IMPG2: variants seen among roughly 807,000 people sequenced by gnomAD.
IMPG2 encodes the protein interphotoreceptor matrix proteoglycan 2, also known as IPM 200.
Under a neutral mutation model 129.2 loss-of-function variants are expected in IMPG2, and 91 were observed. That is an observed-to-expected ratio of 0.70 (90% CI 0.59 to 0.84). The LOEUF is 0.84. Ranked by LOEUF, IMPG2 falls within the 40% of genes least tolerant of loss-of-function variation. The probability of loss-of-function intolerance (pLI) is 0.00; values close to 1 mark genes in which losing one functional copy is unlikely to be tolerated. For missense variants in IMPG2, 1,430 were observed against 1,461.7 expected, an observed-to-expected ratio of 0.98 and a Z score of 0.35; for synonymous variants, 510 against 517.7, an observed-to-expected ratio of 0.99 and a Z score of 0.20.
chr3:101,232,684 T>C (rs1559639623), intron 15 of IMPG2, 97 bp downstream of exon 15: 2 of 993,902 alleles, frequency 2.0e-6, no homozygotes, highest in African/African-American at 1.6e-5. Flanking sequence ...CTATAATGCA[T>C]ACTATAATAA....
intron 4 of IMPG2, among the ~76,000 whole-genome samples, chr3:101,277,947 T>C (rs1306659464): frequency 6.6e-6 from 1 of 152,208 alleles, no homozygotes; most frequent in Non-Finnish European, 1.5e-5. Context: ...TTAAAAACTC[T>C]CTTCAAGTTG....
rs1230670081 is a variant in IMPG2, at chr3:101,297,301, G to A, written c.502-5791C>T. Among the ~76,000 whole-genome samples the A allele has an allele frequency of 3.9e-5, 6 of 152,026 alleles. No homozygotes were observed. In the South Asian group the frequency reaches 6.2e-4, roughly 16 times the overall value. ...TCTTCTCTCTTTTCTTCTTTATTAG[G>A]ATAGCTAGCAGTCAATCTATTTTGT... On this transcript the variant is annotated intron_variant, in intron 3 of 18. Coordinates refer to ENST00000193391, the MANE Select transcript of IMPG2 (RefSeq NM_016247.4).
chr3:101,228,165 G>T (rs951763505), intron 18 of IMPG2, among the ~76,000 whole-genome samples: 11 of 151,950 alleles, frequency 7.2e-5, no homozygotes, highest in Admixed American at 7.2e-4. Flanking sequence ...TGGATTGTGG[G>T]AACAAAGAAA....
intron 12 of IMPG2, 63 bp downstream of exon 12, chr3:101,245,739 T>A: frequency 6.9e-7 from 1 of 1,456,290 alleles, no homozygotes; most frequent in Non-Finnish European, 9.6e-7. Context: ...AGTCTCTTCC[T>A]CTCTTTAAAA....
At chr3:101,235,034 T>C (rs145211933) in intron 14 of IMPG2, among the ~76,000 whole-genome samples, 2,821 of 152,358 alleles carry the variant, frequency 0.019, 83 homozygotes, top group African/African-American at 0.065. Flanking sequence ...GTTTCATATA[T>C]ACCTTATACA....
rs554156816 is a variant in IMPG2, at chr3:101,223,056, A to G, written c.*3913T>C. The G allele has an allele frequency of 6.6e-6, 1 of 152,366 alleles. No individual in the cohort carries two copies. The highest frequency in any genetic ancestry group is 2.4e-5 in the African/African-American group (1 of 41,584). 9.4% of individuals were successfully genotyped at this position (152,366 alleles called of 1,614,324 possible). A position where few individuals can be genotyped will look rare whatever the true frequency, so the allele number is the denominator to read the frequency against. On this transcript the variant is annotated 3_prime_UTR_variant, in exon 19 of 19. Coordinates refer to ENST00000193391, the MANE Select transcript of IMPG2 (RefSeq NM_016247.4). ...AACCTGTCTCTTATTAACTCATAGCAGTAATGTAAGGTTTTACAAAATGCA... is the reference window on the plus strand; with the variant it reads ...AACCTGTCTCTTATTAACTCATAGCGGTAATGTAAGGTTTTACAAAATGCA...
At chr3:101,299,577 G>T (rs942973674) in intron 3 of IMPG2, among the ~76,000 whole-genome samples, 2 of 151,930 alleles carry the variant, frequency 1.3e-5, no homozygotes, top group Admixed American at 1.3e-4. Flanking sequence ...TTGAGTTTTT[G>T]TAGGGAATTT....
At chr3:101,307,903 C>A (rs1037655894) in intron 2 of IMPG2, among the ~76,000 whole-genome samples, 12 of 152,182 alleles carry the variant, frequency 7.9e-5, no homozygotes, top group African/African-American at 2.9e-4. Flanking sequence ...AAATCAAAAG[C>A]AAGTTAGTTC....
intron 3 of IMPG2, among the ~76,000 whole-genome samples, chr3:101,298,038 T>C (rs1707098665): frequency 6.6e-6 from 1 of 152,272 alleles, no homozygotes; most frequent in Admixed American, 6.5e-5. Context: ...AATCTAAGTC[T>C]CTTTGTAGGC....
chr3:101,314,915 T>G (rs919314624), intron 2 of IMPG2, among the ~76,000 whole-genome samples: 1 of 152,120 alleles, frequency 6.6e-6, no homozygotes, highest in African/African-American at 2.4e-5. Flanking sequence ...GCCAGCATGA[T>G]ACCACAAGTA....
At chr3:101,277,170 G>C (rs62282875) in intron 4 of IMPG2, among the ~76,000 whole-genome samples, 19,535 of 152,094 alleles carry the variant, frequency 0.13, 1,315 homozygotes, top group Middle Eastern at 0.17. Flanking sequence ...AGCTGCATGT[G>C]GTTAATGGCC....
chr3:101,229,399 C>T lies in IMPG2; in HGVS notation c.3614G>A (p.Ser1205Asn). The change falls in exon 17 of 19, where the codon AGC (serine) becomes AAC (asparagine). Residue 1205 changes from serine (S) to asparagine (N), a missense_variant. Coordinates refer to ENST00000193391, the MANE Select transcript of IMPG2 (RefSeq NM_016247.4). ...SREEIRQMYE[S>N]SELSREEIQE... ...TCCCACCTCTCTGGAAAGCTCACTGCTCTCATACATCTGTCTGATTTCTTC... is the reference window on the plus strand; with the variant it reads ...TCCCACCTCTCTGGAAAGCTCACTGTTCTCATACATCTGTCTGATTTCTTC... 6.2e-7 allele frequency: 1 copy of T among 1,609,316 alleles called. No individual in the cohort carries two copies. Among genetic ancestry groups the T allele is most frequent in the Non-Finnish European group, 8.5e-7 (1 of 1,178,410 alleles).
rs924448820 is a variant in IMPG2 at position 101,245,689 on chromosome 3, T to C, written c.1543+113A>G. 3.1e-5 allele frequency: 30 copies of C among 968,172 alleles called. No homozygotes were observed. In the African/African-American group the frequency reaches 4.5e-4, roughly 15 times the overall value. 60.0% of individuals were successfully genotyped at this position (968,172 alleles called of 1,614,324 possible). A position where few individuals can be genotyped will look rare whatever the true frequency, so the allele number is the denominator to read the frequency against. On this transcript the variant is annotated intron_variant, in intron 12 of 18. Transcript: ENST00000193391. The stretch of plus-strand genomic sequence containing the variant: ...TCACACACAATTTTACCAAGACATT[T>C]TCCCCCTAATGAATGCTACCATGTT...
intron 4 of IMPG2, among the ~76,000 whole-genome samples, chr3:101,290,313 C>G (rs190336347): frequency 6.6e-6 from 1 of 152,078 alleles, no homozygotes; most frequent in African/African-American, 2.4e-5. Flanking sequence ...TCAAAACTAG[C>G]CTGGACAACA....
In IMPG2 at chr3:101,226,999, A is replaced by C; in HGVS notation, c.3714-18T>G. The C allele has an allele frequency of 1.2e-6, 2 of 1,613,602 alleles. No homozygotes were observed. Among genetic ancestry groups the C allele is most frequent in the South Asian group, 1.1e-5 (1 of 91,056 alleles). On this transcript the variant is annotated intron_variant, in intron 18 of 18. Transcript: ENST00000193391. ...CCTCTTCCCTGCCATGAAAACACAA[A>C]GAGCAATTCAGTAAAAAAAAAGCAA...
At position 101,269,125 on chromosome 3, in the gene IMPG2, C is replaced by G. The variant is rs933301326; in HGVS notation, c.887+390G>C. On this transcript the variant is annotated intron_variant, in intron 8 of 18. Transcript: ENST00000193391. ...ATGTTTAAAACAAGGACTAATGCATCCCTTCCAGAGTGGCCTCATACCAAG... is the reference window on the plus strand; with the variant it reads ...ATGTTTAAAACAAGGACTAATGCATGCCTTCCAGAGTGGCCTCATACCAAG... Among the ~76,000 whole-genome samples, 6 of 152,144 alleles carry G rather than the reference C, an allele frequency of 3.9e-5. No individual in the cohort carries two copies. In the South Asian group the frequency reaches 1.2e-3, roughly 32 times the overall value.
chr3:101,270,940 C>T lies in IMPG2; in HGVS notation c.829-1367G>A, dbSNP rs116209017. Among the ~76,000 whole-genome samples, 810 of 152,184 alleles carry T rather than the reference C, an allele frequency of 5.3e-3. 7 individuals carry two copies. The highest frequency in any genetic ancestry group is 8.3e-3 in the Non-Finnish European group (563 of 67,992). On this transcript the variant is annotated intron_variant, in intron 7 of 18. Transcript: ENST00000193391. ...GAACAAAGGAAATAAATTGATGGAC[C>T]TTGGCAACATCTCTGGGCATCTGCT...
chr3:101,269,985 C>G (rs9811911), intron 7 of IMPG2, among the ~76,000 whole-genome samples: 1,970 of 134,848 alleles, frequency 0.015, 11 homozygotes, highest in Non-Finnish European at 0.024. Flanking sequence ...GGCTGGAGTG[C>G]AGTGGTGCGA....
At chr3:101,284,141 G>T (rs987412720) in intron 4 of IMPG2, among the ~76,000 whole-genome samples, 1 of 152,188 alleles carries the variant, frequency 6.6e-6, no homozygotes, top group Admixed American at 6.6e-5. Context: ...GTTTTGGTCT[G>T]CATGACAGAC....
Sources: allele counts gnomAD v4.1 joint callset (sites outside exome capture counted in the v4.1 genomes callset), GRCh38; gene constraint gnomAD v4.1.1; transcripts MANE v1.5; gene names NCBI Gene and HGNC (gene_info 2026-07-23, HGNC 2026-07-21).